Variants in MYRIP observed in about 807,000 individuals in gnomAD.
MYRIP encodes rab effector MyRIP.
A neutral mutation model predicts 98.0 loss-of-function variants in MYRIP; 49 were observed. The ratio of observed to expected loss-of-function variants is 0.50; its 90% confidence interval spans 0.40 to 0.63. The LOEUF is 0.63. Among genes scored for constraint, MYRIP ranks in the 30% least tolerant of loss-of-function variants. The pLI, the probability that MYRIP is intolerant of heterozygous loss-of-function variation, is 0.00. For missense variants in MYRIP, 1,004 were observed against 1,058.2 expected (o/e 0.95, Z 0.71); for synonymous variants, 404 against 409.5 (o/e 0.99, Z 0.16).
chr3:40,004,399 C>T (rs970861631), intron 2 of MYRIP, among the ~76,000 whole-genome samples: 4 of 152,152 alleles, frequency 2.6e-5, no homozygotes, highest in South Asian at 2.1e-4. Flanking sequence ...CCATTGAGCC[C>T]GGGCCATACC....
intron 11 of MYRIP, among the ~76,000 whole-genome samples, chr3:40,217,833 C>T (rs1952170704): frequency 6.6e-6 from 1 of 152,132 alleles, no homozygotes; most frequent in Non-Finnish European, 1.5e-5. Context: ...CATGATTCAA[C>T]ATTGGTCTGG....
At chr3:40,159,438 C>A (rs1297994629) in intron 4 of MYRIP, among the ~76,000 whole-genome samples, 1 of 152,062 alleles carries the variant, frequency 6.6e-6, no homozygotes, top group Non-Finnish European at 1.5e-5. Context: ...TTTTTTCCTT[C>A]ATTTCAAGTT....
chr3:40,053,206 A>G (rs999487118), intron 3 of MYRIP, among the ~76,000 whole-genome samples: 2 of 151,974 alleles, frequency 1.3e-5, no homozygotes, highest in African/African-American at 2.4e-5. Context: ...ACTTTAAGCC[A>G]CAGGGCTGAT....
At chr3:39,981,401 C>T (rs1945891045) in intron 2 of MYRIP, among the ~76,000 whole-genome samples, 1 of 152,110 alleles carries the variant, frequency 6.6e-6, no homozygotes, top group Non-Finnish European at 1.5e-5. Context: ...TTTTAAAATA[C>T]TAGTACTTCT....
chr3:39,814,031 AT>A (rs945799847), intron 1 of MYRIP, among the ~76,000 whole-genome samples: 12 of 152,118 alleles, frequency 7.9e-5, no homozygotes, highest in African/African-American at 2.9e-4. Context: ...TAGATAAAAG[AT>A]TTTTCTACCT....
intron 9 of MYRIP, among the ~76,000 whole-genome samples, chr3:40,187,132 A>C (rs1951059758): frequency 6.6e-6 from 1 of 152,218 alleles, no homozygotes; most frequent in Non-Finnish European, 1.5e-5. Context: ...GGTGTTAAGT[A>C]CTAATGCTAA....
At chr3:40,213,574 G>A (rs1338528514) in intron 11 of MYRIP, among the ~76,000 whole-genome samples, 1 of 151,430 alleles carries the variant, frequency 6.6e-6, no homozygotes. Context: ...AGTTAACTGT[G>A]ATGTCCCCAT....
At chr3:39,906,281 G>C (rs1022848814) in intron 2 of MYRIP, among the ~76,000 whole-genome samples, 1 of 152,006 alleles carries the variant, frequency 6.6e-6, no homozygotes, top group African/African-American at 2.4e-5. Context: ...AGCCTCTACG[G>C]GTGAGGCACC....
At chr3:40,158,192 T>G (rs1950289086) in intron 4 of MYRIP, among the ~76,000 whole-genome samples, 1 of 152,224 alleles carries the variant, frequency 6.6e-6, no homozygotes, top group African/African-American at 2.4e-5. Context: ...TCCGGTATGT[T>G]GTGTCTCTGT....
intron 11 of MYRIP, among the ~76,000 whole-genome samples, chr3:40,218,615 TATATA>T (rs1952211129): frequency 1.3e-4 from 1 of 7,678 alleles, no homozygotes; most frequent in African/African-American, 2.2e-4. Flanking sequence ...ATATATTTTA[TATATA>T]TATATATATA....
chr3:39,854,910 C>T (rs1942241032), intron 1 of MYRIP, among the ~76,000 whole-genome samples: 1 of 152,110 alleles, frequency 6.6e-6, no homozygotes, highest in Non-Finnish European at 1.5e-5. Flanking sequence ...TGTTATTGCT[C>T]TTCTGGGTCT....
intron 3 of MYRIP, among the ~76,000 whole-genome samples, chr3:40,064,987 G>A (rs150586045): frequency 6.6e-5 from 10 of 152,206 alleles, no homozygotes; most frequent in African/African-American, 1.4e-4. Flanking sequence ...TTAACCCTGC[G>A]TACTCATTTC....
In MYRIP at chr3:39,923,542, C is replaced by T. The variant is rs996561832; in HGVS notation, c.110+22616C>T. 4.6e-5 allele frequency among the ~76,000 whole-genome samples: 7 copies of T among 152,108 alleles called. No homozygotes were observed. In the East Asian group the frequency reaches 1.2e-3, roughly 25 times the overall value. On this transcript the variant is annotated intron_variant, in intron 2 of 16. Coordinates refer to ENST00000302541, the MANE Select transcript of MYRIP (RefSeq NM_015460.4). ...GGTGCTAAAAGGGAAAAACTGTCAA[C>T]TCAGAATCCTATATTTTGTGAAAAT... is the stretch of plus-strand genomic sequence containing the variant.
intron 2 of MYRIP, among the ~76,000 whole-genome samples, chr3:39,952,980 T>C (rs1008435419): frequency 2.6e-5 from 4 of 152,266 alleles, no homozygotes; most frequent in Middle Eastern, 6.8e-3. Flanking sequence ...TTCTGGCTTG[T>C]CTTCATGTTG....
chr3:39,924,725 C>A lies in MYRIP; in HGVS notation c.110+23799C>A, dbSNP rs575593689. Among the ~76,000 whole-genome samples, 11 of 152,086 alleles carry A rather than the reference C, an allele frequency of 7.2e-5. No homozygotes were observed. In the East Asian group the frequency reaches 2.1e-3, roughly 29 times the overall value. The stretch of plus-strand genomic sequence containing the variant: ...TGAGACCATATTCTGGGCTATAAAA[C>A]AAACCTTAACAAATTTAAAACTTGT... On this transcript the variant is annotated intron_variant, in intron 2 of 16. Coordinates refer to ENST00000302541, the MANE Select transcript of MYRIP (RefSeq NM_015460.4).
chr3:40,114,949 A>G (rs1949240858), intron 3 of MYRIP, among the ~76,000 whole-genome samples: 1 of 152,246 alleles, frequency 6.6e-6, no homozygotes, highest in Non-Finnish European at 1.5e-5. Context: ...TGTTTGTAAT[A>G]ACAAAATATT....
intron 3 of MYRIP, among the ~76,000 whole-genome samples, chr3:40,050,283 C>T (rs1282150854): frequency 6.6e-6 from 1 of 152,142 alleles, no homozygotes; most frequent in Non-Finnish European, 1.5e-5. Context: ...TAGCTGGTGA[C>T]TTCCAGTCGA....
At chr3:39,831,523 A>T (rs1309973051) in intron 1 of MYRIP, among the ~76,000 whole-genome samples, 3 of 152,114 alleles carry the variant, frequency 2.0e-5, no homozygotes. Flanking sequence ...TCTTAATATA[A>T]AATTATTAAT....
intron 12 of MYRIP, among the ~76,000 whole-genome samples, chr3:40,239,069 C>A (rs1309964489): frequency 2.3e-5 from 3 of 130,348 alleles, no homozygotes; most frequent in Non-Finnish European, 4.8e-5. Flanking sequence ...CCCCCCACCC[C>A]ACAACAGTCC....
Sources: allele counts gnomAD v4.1 joint callset (sites outside exome capture counted in the v4.1 genomes callset), GRCh38; gene constraint gnomAD v4.1.1; transcripts MANE v1.5; gene names NCBI Gene and HGNC (gene_info 2026-07-23, HGNC 2026-07-21).